Variants in MCC observed in about 807,000 individuals in gnomAD.
MCC encodes the protein colorectal mutant cancer protein.
A neutral mutation model predicts 116.2 loss-of-function variants in MCC; 90 were observed. The observed-to-expected ratio is 0.77, with a 90% confidence interval of 0.65 to 0.92. The LOEUF (loss-of-function observed/expected upper bound fraction) is 0.92. MCC is among the 40% of genes least tolerant of loss of function. MCC has a pLI of 0.00. For synonymous variants in MCC, 578 were observed against 510.5 expected (o/e 1.13, Z -1.78); for missense variants, 1,516 against 1,312.2 (o/e 1.16, Z -2.40).
chr5:113,252,215 T>C (rs529474267), intron 3 of MCC, among the ~76,000 whole-genome samples: 40 of 152,196 alleles, frequency 2.6e-4, no homozygotes, highest in Admixed American at 1.4e-3. Context: ...AGCCTCCCCA[T>C]TGCCTAGACC....
At chr5:113,341,984 AC>A (rs937655270) in intron 2 of MCC, among the ~76,000 whole-genome samples, 1 of 142,526 alleles carries the variant, frequency 7.0e-6, no homozygotes, top group African/African-American at 2.6e-5. Flanking sequence ...TTTATCCCTC[AC>A]CCCCCCACTC....
intron 3 of MCC, among the ~76,000 whole-genome samples, chr5:113,233,731 T>TA (rs1363955847): frequency 6.6e-6 from 1 of 152,212 alleles, no homozygotes; most frequent in Admixed American, 6.5e-5. Context: ...CCTTGAGAAT[T>TA]AGATTCAAAT....
chr5:113,353,453 A>G (rs1768332568), intron 2 of MCC, among the ~76,000 whole-genome samples: 1 of 152,230 alleles, frequency 6.6e-6, no homozygotes, highest in Admixed American at 6.5e-5. Flanking sequence ...AAAAATAAAG[A>G]TTATACATTT....
intron 1 of MCC, among the ~76,000 whole-genome samples, chr5:113,455,888 C>G (rs149557884): frequency 1.7e-3 from 264 of 152,240 alleles, no homozygotes; most frequent in African/African-American, 5.9e-3. Context: ...AACGGACCTG[C>G]ACAATTATCC....
At chr5:113,279,216 A>G (rs1017741402) in intron 3 of MCC, among the ~76,000 whole-genome samples, 1 of 152,148 alleles carries the variant, frequency 6.6e-6, no homozygotes, top group South Asian at 2.1e-4. Flanking sequence ...TCATTTCACG[A>G]CATGGTGTGC....
chr5:113,361,461 C>A (rs1768545901), intron 2 of MCC, among the ~76,000 whole-genome samples: 1 of 152,126 alleles, frequency 6.6e-6, no homozygotes, highest in African/African-American at 2.4e-5. Flanking sequence ...CTAAGTACTG[C>A]TTGAGTTGCA....
intron 17 of MCC, 56 bp downstream of exon 17, chr5:113,043,474 A>G: frequency 6.8e-7 from 1 of 1,469,998 alleles, no homozygotes; most frequent in Middle Eastern, 1.7e-4. Context: ...GAGAACTCAG[A>G]ACAAAGTCTC....
At chr5:113,115,863 G>A (rs989488246) in intron 6 of MCC, among the ~76,000 whole-genome samples, 2 of 152,174 alleles carry the variant, frequency 1.3e-5, no homozygotes, top group Non-Finnish European at 2.9e-5. Context: ...GTAGAGAAGG[G>A]ACAGCAACTG....
At chr5:113,069,704 C>A (rs546220345) in intron 12 of MCC, among the ~76,000 whole-genome samples, 2 of 152,314 alleles carry the variant, frequency 1.3e-5, no homozygotes, top group African/African-American at 4.8e-5. Flanking sequence ...GCCTCAGCCT[C>A]CTGAGTAGCT....
chr5:113,149,805 G>C (rs1759739556), intron 4 of MCC, among the ~76,000 whole-genome samples: 1 of 152,116 alleles, frequency 6.6e-6, no homozygotes, highest in African/African-American at 2.4e-5. Flanking sequence ...ATACAAGCAG[G>C]TAAGAACAAA....
chr5:113,429,174 T>C (rs1770558550), intron 1 of MCC, among the ~76,000 whole-genome samples: 1 of 152,076 alleles, frequency 6.6e-6, no homozygotes, highest in Non-Finnish European at 1.5e-5. Flanking sequence ...AATGTGACTC[T>C]ATCTGAAGAC....
At chr5:113,236,568 T>C (rs892708575) in intron 3 of MCC, among the ~76,000 whole-genome samples, 1 of 152,248 alleles carries the variant, frequency 6.6e-6, no homozygotes, top group Non-Finnish European at 1.5e-5. Context: ...CATTAGATTA[T>C]GAATTATAAA....
At chr5:113,039,323 C>T (rs1236575108) in intron 17 of MCC, among the ~76,000 whole-genome samples, 1 of 152,194 alleles carries the variant, frequency 6.6e-6, no homozygotes, top group African/African-American at 2.4e-5. Context: ...AGCTGGAACT[C>T]CAGGTGTATG....
intron 1 of MCC, among the ~76,000 whole-genome samples, chr5:113,450,532 T>C (rs1771362710): frequency 1.3e-5 from 2 of 152,188 alleles, no homozygotes; most frequent in Admixed American, 1.3e-4. Flanking sequence ...GCCAGGACCA[T>C]TTGCTTAACA....
intron 11 of MCC, among the ~76,000 whole-genome samples, chr5:113,076,089 C>T (rs968609935): frequency 7.2e-5 from 11 of 152,244 alleles, no homozygotes; most frequent in South Asian, 2.1e-4. Flanking sequence ...ACACTCACTG[C>T]GAGGGTCCAC....
At chr5:113,163,036 G>T (rs990796074) in intron 3 of MCC, among the ~76,000 whole-genome samples, 4 of 152,136 alleles carry the variant, frequency 2.6e-5, no homozygotes, top group African/African-American at 4.8e-5. Context: ...CTGCACCCAG[G>T]CTGGGCCAGC....
intron 2 of MCC, among the ~76,000 whole-genome samples, chr5:113,367,599 C>G (rs1164717159): frequency 8.7e-6 from 1 of 115,316 alleles, no homozygotes; most frequent in Admixed American, 1.3e-4. Context: ...TTCATTAAAA[C>G]TTATGCTTGG....
intron 5 of MCC, among the ~76,000 whole-genome samples, chr5:113,139,014 G>A (rs1759018214): frequency 6.6e-6 from 1 of 152,230 alleles, no homozygotes; most frequent in South Asian, 2.1e-4. Context: ...TGACTATAAT[G>A]ATCTAGTAAA....
chr5:113,048,889 A>C, intron 16 of MCC: 1 of 598,812 alleles, frequency 1.7e-6, no homozygotes, highest in Non-Finnish European at 3.0e-6. Flanking sequence ...CTATTACATA[A>C]AGTGAGATTT....
Sources: allele counts gnomAD v4.1 joint callset (sites outside exome capture counted in the v4.1 genomes callset), GRCh38; gene constraint gnomAD v4.1.1; transcripts MANE v1.5; gene names NCBI Gene and HGNC (gene_info 2026-07-23, HGNC 2026-07-21).